ETF1: variants seen among roughly 807,000 people sequenced by gnomAD.
ETF1 encodes the protein eukaryotic peptide chain release factor subunit 1.
Under a neutral mutation model 55.1 loss-of-function variants are expected in ETF1, and 4 were observed. That is an observed-to-expected ratio of 0.07 (90% confidence interval 0.04 to 0.17). ETF1 has a LOEUF of 0.17. ETF1 is among the 10% of genes least tolerant of loss of function. ETF1 has a pLI of 1.00. For synonymous variants in ETF1, 157 were observed against 182.3 expected (o/e 0.86, Z 1.12); for missense variants, 142 against 523.6 (o/e 0.27, Z 7.11).
Position 138,507,044 on chromosome 5 carries a change from G to T in ETF1, c.*1261C>A, listed in dbSNP as rs1243038313. 1.3e-5 allele frequency: 2 copies of T among 152,074 alleles called. No homozygotes were observed. Among genetic ancestry groups the T allele is most frequent in the Non-Finnish European group, 2.9e-5 (2 of 67,892 alleles). The allele number at this position is 152,074 out of a possible 1,614,324, so 9.4% of individuals were successfully genotyped here. A position where few individuals can be genotyped will look rare whatever the true frequency, so the allele number is the denominator to read the frequency against. On this transcript the variant is annotated 3_prime_UTR_variant, in exon 11 of 11. Coordinates refer to ENST00000360541, the MANE Select transcript of ETF1 (RefSeq NM_004730.4). ...ACTGTCACCACCCTGGGCACGCCAT[G>T]ACCTTGCATATCAGCTGGGTTCAAG...
At chr5:138,536,478 C>T (rs1193884303) in intron 2 of ETF1, among the ~76,000 whole-genome samples, 1 of 152,172 alleles carries the variant, frequency 6.6e-6, no homozygotes, top group Admixed American at 6.5e-5. Context: ...CAGTGAGAAA[C>T]CTCAGACTCT....
At chr5:138,523,315 C>T (rs1278624970) in intron 2 of ETF1, among the ~76,000 whole-genome samples, 1 of 151,970 alleles carries the variant, frequency 6.6e-6, no homozygotes, top group Non-Finnish European at 1.5e-5. Context: ...TGCAATGAGC[C>T]GAGATAGAGC....
rs1381290670 is a variant in ETF1 at position 138,543,148 on chromosome 5, CGCGGCGGCG to C, written c.-79_-71del. On this transcript the variant is annotated 5_prime_UTR_variant, in exon 1 of 11. Coordinates refer to ENST00000360541, the MANE Select transcript of ETF1 (RefSeq NM_004730.4). ...GGCTGCTCCTCCCCGGCGGCGGCTC[CGCGGCGGCG>C]GCGGCTCTGACGTAGGACACCGGCT... is the stretch of plus-strand genomic sequence containing the variant. The C allele has an allele frequency of 1.7e-6, 1 of 576,378 alleles. No homozygotes were observed. 35.7% of individuals were successfully genotyped at this position (576,378 alleles called of 1,614,324 possible). A position where few individuals can be genotyped will look rare whatever the true frequency, so the allele number is the denominator to read the frequency against.
chr5:138,512,252 A>AT, intron 6 of ETF1, among the ~76,000 whole-genome samples: 1 of 13,138 alleles, frequency 7.6e-5, no homozygotes, highest in Middle Eastern at 0.036. Flanking sequence ...ATATATATAT[A>AT]TATATATTTT....
intron 2 of ETF1, among the ~76,000 whole-genome samples, chr5:138,542,238 A>T (rs1426590486): frequency 6.6e-6 from 1 of 152,136 alleles, no homozygotes; most frequent in Non-Finnish European, 1.5e-5. Flanking sequence ...GAACAGCTAA[A>T]ACCAGGAAGC....
chr5:138,508,336 T>A lies in ETF1; in HGVS notation c.1283A>T (p.Asp428Val). Reference sequence around the variant, plus strand: ...GTCATCAAGGTCAAAAAATTCATCGTCTCCTCCTTGGTATTCCATTCCCTG... The same window carrying A: ...GTCATCAAGGTCAAAAAATTCATCGACTCCTCCTTGGTATTCCATTCCCTG... ...DFQGMEYQGG[D>V]DEFFDLDDY is the part of the protein sequence containing the mutation. Residue 428 changes from aspartate (D) to valine (V), a missense_variant, in exon 11 of 11, where the codon GAC (aspartate) becomes GTC (valine). Transcript: ENST00000360541. 6.2e-7 allele frequency: 1 copy of A among 1,613,928 alleles called. No homozygotes were observed.
Position 138,542,865 on chromosome 5 carries a change from C to T in ETF1, c.54G>A (p.Lys18=). The T allele has an allele frequency of 4.3e-6, 7 of 1,613,564 alleles. No individual in the cohort carries two copies. Among genetic ancestry groups the T allele is most frequent in the Non-Finnish European group, 5.1e-6 (6 of 1,179,872 alleles). Residue 18 remains lysine, a synonymous_variant, in exon 2 of 11, where the codon AAG becomes AAA. Coordinates refer to ENST00000360541, the MANE Select transcript of ETF1 (RefSeq NM_004730.4). ...CCGCCTCCAAGCTCTTAATGAGCTT[C>T]TTGATCTTCCAGATCTCCACGTTCC... ...ADRNVEIWKI[K]KLIKSLEAAR... is the part of the protein sequence containing the mutation.
At chr5:138,517,953 G>GAGTGCTGGGATTA in intron 3 of ETF1, 3 of 920,664 alleles carry the variant, frequency 3.3e-6, no homozygotes, top group Non-Finnish European at 3.9e-6. Context: ...TGTAATCCCA[G>GAGTGCTGGGATTA]CACTCTGGGA....
chr5:138,518,957 G>A (rs913688698), intron 2 of ETF1, 90 bp from the exon 3 acceptor site: 72 of 1,556,468 alleles, frequency 4.6e-5, no homozygotes, highest in Non-Finnish European at 6.0e-5. Flanking sequence ...ACAGGGAGAT[G>A]CCCCAAAGTT....
At chr5:138,543,017 G>A (rs531955579) in intron 1 of ETF1, 80 bp downstream of exon 1, 2 of 1,316,930 alleles carry the variant, frequency 1.5e-6, no homozygotes, top group East Asian at 2.4e-5. Flanking sequence ...CCCCTTCCTC[G>A]CCATCCCCCA....
chr5:138,535,400 G>A (rs1417786280), intron 2 of ETF1, among the ~76,000 whole-genome samples: 2 of 151,326 alleles, frequency 1.3e-5, no homozygotes, highest in South Asian at 4.2e-4. Context: ...GCACGATCTC[G>A]GCTCACTGCA....
intron 2 of ETF1, chr5:138,542,514 AG>A (rs1766223249): frequency 1.3e-6 from 1 of 767,696 alleles, no homozygotes; most frequent in East Asian, 4.3e-5. Flanking sequence ...GTCGGGTGGC[AG>A]CACCTGGAGC....
chr5:138,542,913 C>G lies in ETF1; in HGVS notation c.6G>C (p.Ala2=). M[A]DDPSAADRNV... ...TCCTGTCGGCAGCACTGGGGTCGTC[C>G]GCCATCTTCTCGCCTCCTCCTCCCT... Residue 2 remains alanine (A), a synonymous_variant, in exon 2 of 11, where the codon GCG becomes GCC. Coordinates refer to ENST00000360541, the MANE Select transcript of ETF1 (RefSeq NM_004730.4). The G allele has an allele frequency of 6.2e-7, 1 of 1,613,688 alleles. No homozygotes were observed. The highest frequency in any genetic ancestry group is 8.5e-7 in the Non-Finnish European group (1 of 1,179,892).
At position 138,542,616 on chromosome 5, in the gene ETF1, G is replaced by A. The variant is rs1431636377; in HGVS notation, c.86+217C>T. On this transcript the variant is annotated intron_variant, in intron 2 of 10. Transcript: ENST00000360541. ...AGGGGGGCCGAGTGATCTAAACCGG[G>A]GAGCGCGGGCCCCTTACCCCCATGC... The A allele has an allele frequency of 2.8e-6, 4 of 1,418,436 alleles. No homozygotes were observed. The East Asian group carries it at 1.1e-4, about 37-fold the overall frequency. 87.9% of individuals were successfully genotyped at this position (1,418,436 alleles called of 1,614,324 possible).
rs115105380 is a variant in ETF1, at chr5:138,520,871, C to T, written c.87-2004G>A. ...GTGAGGATGTGGAGAAATTGGAACC[C>T]TTGTGCATTGCCAGTGGGAATATAA... On this transcript the variant is annotated intron_variant, in intron 2 of 10. Coordinates refer to ENST00000360541, the MANE Select transcript of ETF1 (RefSeq NM_004730.4). Among the ~76,000 whole-genome samples, 398 of 152,124 alleles carry T rather than the reference C, an allele frequency of 2.6e-3. 2 individuals are homozygous for T. Among genetic ancestry groups the T allele is most frequent in the African/African-American group, 9.4e-3 (389 of 41,504 alleles).
intron 2 of ETF1, among the ~76,000 whole-genome samples, chr5:138,538,735 T>C (rs1244101712): frequency 6.6e-6 from 1 of 152,118 alleles, no homozygotes; most frequent in Non-Finnish European, 1.5e-5. Context: ...TTTAGGTGAA[T>C]ATTCTATTAA....
At chr5:138,519,460 G>A (rs1234768063) in intron 2 of ETF1, among the ~76,000 whole-genome samples, 1 of 151,574 alleles carries the variant, frequency 6.6e-6, no homozygotes, top group Non-Finnish European at 1.5e-5. Context: ...TCAGGAGTTC[G>A]AGGCAAGCCT....
At position 138,508,049 on chromosome 5, in the gene ETF1, G is replaced by T. The variant is rs1008593620; in HGVS notation, c.*256C>A. 3.9e-5 allele frequency: 15 copies of T among 387,682 alleles called. No homozygotes were observed. The highest frequency in any genetic ancestry group is 8.3e-5 in the Admixed American group (2 of 24,148). The allele number at this position is 387,682 out of a possible 1,614,324, so 24.0% of individuals were successfully genotyped here. ...ACCATCCAGTAAAAGTAAAAACTGG[G>T]ATTCTTTTTTAAATTAGTCCAAAGT... On this transcript the variant is annotated 3_prime_UTR_variant, in exon 11 of 11. Coordinates refer to ENST00000360541, the MANE Select transcript of ETF1 (RefSeq NM_004730.4).
chr5:138,534,911 G>A (rs1328344424), intron 2 of ETF1, among the ~76,000 whole-genome samples: 1 of 103,960 alleles, frequency 9.6e-6, no homozygotes, highest in African/African-American at 2.8e-5. Flanking sequence ...GCTGTTATAA[G>A]GTTATAAGGG....
Sources: gnomAD v4.1 joint callset for allele counts (sites outside exome capture counted in the v4.1 genomes callset) on GRCh38, gnomAD v4.1.1 for gene constraint, MANE v1.5 for transcripts, NCBI Gene and HGNC (gene_info 2026-07-23, HGNC 2026-07-21) for gene names.